Variants in ANO4 observed in about 807,000 individuals in gnomAD.
ANO4 encodes the protein anoctamin-4.
A neutral mutation model predicts 141.9 loss-of-function variants in ANO4; 69 were observed. That is an observed-to-expected ratio of 0.49 (90% confidence interval 0.40 to 0.59). The LOEUF is 0.59. Ranked by LOEUF, ANO4 falls within the 20% of genes least tolerant of loss-of-function variation. ANO4 has a pLI of 0.00. For missense variants in ANO4, 894 were observed against 1,162.2 expected (o/e 0.77, Z 3.36); for synonymous variants, 350 against 394.3 (o/e 0.89, Z 1.33).
intron 2 of ANO4, among the ~76,000 whole-genome samples, chr12:100,919,157 A>AG (rs1448370905): frequency 1.3e-5 from 2 of 152,202 alleles, no homozygotes; most frequent in Non-Finnish European, 2.9e-5. Flanking sequence ...GTTAAAAAAA[A>AG]TCTAAAAGGT....
chr12:100,753,300 AT>A (rs2032464471), intron 3 of ANO4, among the ~76,000 whole-genome samples: 1 of 152,200 alleles, frequency 6.6e-6, no homozygotes, highest in Admixed American at 6.5e-5. Flanking sequence ...ACTGTGAATA[AT>A]TGGGGCCAAA....
intron 13 of ANO4, among the ~76,000 whole-genome samples, chr12:101,047,214 A>G (rs985110104): frequency 2.0e-5 from 3 of 152,154 alleles, no homozygotes; most frequent in Non-Finnish European, 4.4e-5. Flanking sequence ...GCGCCATTGC[A>G]CTCCAGCCTG....
chr12:100,721,577 A>G (rs565778197), intron 1 of ANO4, among the ~76,000 whole-genome samples: 29 of 152,308 alleles, frequency 1.9e-4, no homozygotes, highest in Admixed American at 4.6e-4. Context: ...GAGTGGCTAG[A>G]GGTTGAAAGG....
intron 26 of ANO4, among the ~76,000 whole-genome samples, chr12:101,121,753 CTTTTTTTTTTTTT>C (rs71091478): frequency 2.7e-5 from 3 of 110,452 alleles, no homozygotes; most frequent in Admixed American, 9.8e-5. Context: ...AATTTGTTTA[CTTTTTTTTTTTTT>C]TTTTTTTTTT....
intron 1 of ANO4, among the ~76,000 whole-genome samples, chr12:100,806,524 G>GTTTC (rs2035046093): frequency 3.3e-5 from 2 of 59,838 alleles, no homozygotes; most frequent in African/African-American, 1.1e-4. Context: ...TTTTTGTTTC[G>GTTTC]TTTTTTTTTT....
chr12:100,746,454 A>C (rs2032113038), intron 3 of ANO4, among the ~76,000 whole-genome samples: 1 of 119,290 alleles, frequency 8.4e-6, no homozygotes, highest in Non-Finnish European at 2.0e-5. Context: ...CTCTGTTATT[A>C]AAAAGAATGA....
rs531059489 is a variant in ANO4, at chr12:100,798,631, T to C, written c.-141+3604T>C. Among the ~76,000 whole-genome samples, 16 of 152,268 alleles carry C rather than the reference T, an allele frequency of 1.1e-4. No homozygotes were observed. In the East Asian group the frequency reaches 3.1e-3, roughly 29 times the overall value. On this transcript the variant is annotated intron_variant, in intron 1 of 27. Coordinates refer to ENST00000392977, the MANE Select transcript of ANO4 (RefSeq NM_001286615.2). The stretch of plus-strand genomic sequence containing the variant: ...AATAATCTATCCAGACTGTCATAAA[T>C]GTTTATATTGCAAGTTATACTTCTT...
At chr12:100,925,494 G>A (rs964112790) in intron 3 of ANO4, among the ~76,000 whole-genome samples, 4 of 151,340 alleles carry the variant, frequency 2.6e-5, no homozygotes, top group Admixed American at 6.6e-5. Flanking sequence ...ATGTCCTGTC[G>A]GGGGGTGGGG....
intron 3 of ANO4, among the ~76,000 whole-genome samples, chr12:100,934,575 C>T (rs1208500389): frequency 5.9e-5 from 9 of 151,934 alleles, no homozygotes; most frequent in Non-Finnish European, 1.2e-4. Context: ...GCAATGTGGG[C>T]TCTTTTTTGG....
At chr12:100,874,157 A>G (rs932651794) in intron 1 of ANO4, among the ~76,000 whole-genome samples, 1 of 152,254 alleles carries the variant, frequency 6.6e-6, no homozygotes, top group African/African-American at 2.4e-5. Flanking sequence ...TCCAGCCAGC[A>G]GTCTGCTGCA....
chr12:101,037,056 A>C (rs762153459), intron 9 of ANO4, 39 bp from the exon 10 acceptor site: 1 of 1,593,496 alleles, frequency 6.3e-7, no homozygotes, highest in Non-Finnish European at 8.6e-7. Context: ...GAGTATTCAA[A>C]CTCTGTATTA....
rs565795709 is a variant in ANO4 at position 100,947,454 on chromosome 12, C to T, written c.456+4919C>T. 3.4e-4 allele frequency among the ~76,000 whole-genome samples: 52 copies of T among 152,276 alleles called. 1 individual carries two copies. The South Asian group carries it at 9.5e-3, about 28-fold the overall frequency. On this transcript the variant is annotated intron_variant, in intron 5 of 27. Transcript: ENST00000392977. ...TTCACTTTGCTTCTAAGACCCCATA[C>T]CTTCTCAGTCCCACTCAAATACATT...
At chr12:101,100,579 A>C (rs2050151505) in intron 22 of ANO4, among the ~76,000 whole-genome samples, 1 of 152,208 alleles carries the variant, frequency 6.6e-6, no homozygotes, top group Admixed American at 6.6e-5. Flanking sequence ...AACCACTTTG[A>C]GATCCTTAAT....
intron 3 of ANO4, among the ~76,000 whole-genome samples, chr12:100,770,555 A>G (rs1473723249): frequency 1.3e-5 from 2 of 152,226 alleles, no homozygotes; most frequent in African/African-American, 4.8e-5. Context: ...GAGTCAAACT[A>G]AAGAGAATAG....
rs983005702 is a variant in ANO4, at chr12:100,794,844, A to G, written c.-324A>G. The G allele has an allele frequency of 3.9e-5, 6 of 152,492 alleles. No individual in the cohort carries two copies. The highest frequency in any genetic ancestry group is 7.3e-5 in the Non-Finnish European group (5 of 68,070). 9.4% of individuals were successfully genotyped at this position (152,492 alleles called of 1,614,324 possible). ...TCTCAGGGTTTTTACAGCACAAACA[A>G]CTGCATACGGCCCGAGGGGAGGCTG... On this transcript the variant is annotated 5_prime_UTR_variant, in exon 1 of 28. Coordinates refer to ENST00000392977, the MANE Select transcript of ANO4 (RefSeq NM_001286615.2).
intron 12 of ANO4, 70 bp downstream of exon 12, chr12:101,042,538 A>G: frequency 6.3e-7 from 1 of 1,576,842 alleles, no homozygotes; most frequent in East Asian, 2.2e-5. Flanking sequence ...CTTTGGGGGT[A>G]TTCACAGATT....
chr12:100,939,554 A>G, intron 4 of ANO4, 103 bp downstream of exon 4: 1 of 1,265,420 alleles, frequency 7.9e-7, no homozygotes. Flanking sequence ...ATTGAACTGT[A>G]GGCTCTTGTA....
intron 2 of ANO4, among the ~76,000 whole-genome samples, chr12:100,910,059 A>C (rs1411457014): frequency 1.3e-5 from 2 of 152,178 alleles, no homozygotes; most frequent in East Asian, 3.9e-4. Flanking sequence ...CATAATAAAA[A>C]ATTATATCGT....
chr12:100,829,690 G>A (rs1410193805), intron 1 of ANO4, among the ~76,000 whole-genome samples: 1 of 152,048 alleles, frequency 6.6e-6, no homozygotes, highest in Non-Finnish European at 1.5e-5. Context: ...ATATTTCCTT[G>A]AAATGTATGT....
Sources: gnomAD v4.1 joint callset for allele counts (sites outside exome capture counted in the v4.1 genomes callset) on GRCh38, gnomAD v4.1.1 for gene constraint, MANE v1.5 for transcripts, NCBI Gene and HGNC (gene_info 2026-07-23, HGNC 2026-07-21) for gene names.